The following SOX6 variants were observed in gnomAD, a reference collection of about 807,000 sequenced individuals.
The protein encoded by SOX6 is transcription factor SOX-6.
SOX6 carries 11 observed loss-of-function variants against 97.8 expected under a neutral mutation model. The observed-to-expected ratio is 0.11, with a 90% CI of 0.07 to 0.19. SOX6 has a LOEUF of 0.19. Ranked by LOEUF, SOX6 falls within the 10% of genes least tolerant of loss-of-function variation. SOX6 has a pLI of 1.00. For synonymous variants in SOX6, 360 were observed against 371.4 expected (o/e 0.97, Z 0.35); for missense variants, 810 against 1,039.5 (o/e 0.78, Z 3.04).
chr11:16,040,513 T>C, intron 12 of SOX6, among the ~76,000 whole-genome samples: 1 of 152,090 alleles, frequency 6.6e-6, no homozygotes, highest in African/African-American at 2.4e-5. Flanking sequence ...TTTATAGCAC[T>C]TTTGATCTGT....
chr11:16,061,898 T>C (rs1847966679), intron 9 of SOX6, among the ~76,000 whole-genome samples: 1 of 151,784 alleles, frequency 6.6e-6, no homozygotes, highest in Non-Finnish European at 1.5e-5. Context: ...CAACTCAAGA[T>C]GGATTAAAGA....
intron 3 of SOX6, among the ~76,000 whole-genome samples, chr11:16,688,349 A>G (rs1161884362): frequency 1.3e-5 from 2 of 151,824 alleles, no homozygotes; most frequent in African/African-American, 4.8e-5. Flanking sequence ...ATTGGCCATT[A>G]TTTTACTTAA....
chr11:16,454,355 C>G (rs562898320), intron 1 of SOX6, among the ~76,000 whole-genome samples: 2 of 152,000 alleles, frequency 1.3e-5, no homozygotes, highest in African/African-American at 2.4e-5. Flanking sequence ...ACTCCTTCTT[C>G]CAAAATAAAG....
At chr11:16,545,225 T>C (rs1847603804) in intron 4 of SOX6, among the ~76,000 whole-genome samples, 2 of 151,368 alleles carry the variant, frequency 1.3e-5, no homozygotes. Context: ...TAGTCTAACA[T>C]ACATATGAGC....
chr11:16,472,841 AAAAT>A (rs1283062381), intron 1 of SOX6, among the ~76,000 whole-genome samples: 2 of 152,216 alleles, frequency 1.3e-5, no homozygotes, highest in East Asian at 3.9e-4. Flanking sequence ...TATATTCTTT[AAAAT>A]TCCTTTATAG....
intron 13 of SOX6, among the ~76,000 whole-genome samples, chr11:16,011,436 G>A (rs765253785): frequency 1.3e-5 from 2 of 152,056 alleles, no homozygotes; most frequent in Non-Finnish European, 2.9e-5. Context: ...CCAAATAACA[G>A]CTGGACTTTA....
At chr11:16,492,750 C>T (rs1182787861) in intron 4 of SOX6, among the ~76,000 whole-genome samples, 1 of 152,078 alleles carries the variant, frequency 6.6e-6, no homozygotes, top group African/African-American at 2.4e-5. Context: ...GGTCTGTACC[C>T]AGAATGTATT....
rs766111271 is a variant in SOX6, at chr11:16,209,592, C to A, written c.536-22637G>T. ...ATAACATGGCAAAACCCCGTCTCTA[C>A]TAAAATACACAAATTAGCTGGGCGT... On this transcript the variant is annotated intron_variant, in intron 4 of 15. Transcript: ENST00000683767. 5.9e-5 allele frequency among the ~76,000 whole-genome samples: 9 copies of A among 151,994 alleles called. 1 individual carries two copies. The highest frequency in any genetic ancestry group is 3.9e-4 in the Admixed American group (6 of 15,254).
chr11:16,086,328 T>C (rs947907265), intron 9 of SOX6, among the ~76,000 whole-genome samples: 1 of 152,156 alleles, frequency 6.6e-6, no homozygotes, highest in Non-Finnish European at 1.5e-5. Context: ...GTCCCAAGAT[T>C]CCTGAGAAGA....
chr11:16,185,222 C>A (rs1235500064), intron 5 of SOX6, among the ~76,000 whole-genome samples: 1 of 152,152 alleles, frequency 6.6e-6, no homozygotes, highest in Non-Finnish European at 1.5e-5. Context: ...AGAAATGAGA[C>A]TCCTCCTTGT....
chr11:16,067,536 C>CTA (rs903711055), intron 9 of SOX6, among the ~76,000 whole-genome samples: 3 of 152,158 alleles, frequency 2.0e-5, no homozygotes, highest in Middle Eastern at 3.2e-3. Flanking sequence ...ATGTGGAACT[C>CTA]TGAGTCCATT....
intron 9 of SOX6, among the ~76,000 whole-genome samples, chr11:16,072,249 C>A (rs1474999763): frequency 6.6e-6 from 1 of 152,002 alleles, no homozygotes; most frequent in South Asian, 2.1e-4. Context: ...TTAAAAAGAA[C>A]CAAACTGAAC....
intron 4 of SOX6, among the ~76,000 whole-genome samples, chr11:16,598,137 A>C (rs1848232096): frequency 6.6e-6 from 1 of 152,018 alleles, no homozygotes; most frequent in Non-Finnish European, 1.5e-5. Flanking sequence ...CCCTCAGCTT[A>C]GTGCTTTACA....
intron 4 of SOX6, among the ~76,000 whole-genome samples, chr11:16,203,587 A>G (rs1297532617): frequency 6.6e-6 from 1 of 152,190 alleles, no homozygotes; most frequent in Non-Finnish European, 1.5e-5. Flanking sequence ...TGAGCTAAAT[A>G]TAAACATCTG....
rs1240963029 is a variant in SOX6, at chr11:15,970,718, T to C, written c.*2091A>G. ...ACAGAATAGCTTGTAATTTCTTGGC[T>C]AGACCTGTTTATTGCTATTAGGCCT... On this transcript the variant is annotated 3_prime_UTR_variant, in exon 16 of 16. Transcript: ENST00000683767. The C allele has an allele frequency of 1.3e-5, 2 of 152,478 alleles. No individual in the cohort carries two copies. Among genetic ancestry groups the C allele is most frequent in the East Asian group, 3.9e-4 (2 of 5,194 alleles). The allele number at this position is 152,478 out of a possible 1,614,324, so 9.4% of individuals were successfully genotyped here.
chr11:16,313,588 A>T (rs1241249262), intron 3 of SOX6: 1 of 152,144 alleles, frequency 6.6e-6, no homozygotes, highest in Non-Finnish European at 1.5e-5. Context: ...CCTTAGACCT[A>T]GAATATAATT....
rs568742739 is a variant in SOX6 at position 15,987,803 on chromosome 11, T to C, written c.1966+1194A>G. Among the ~76,000 whole-genome samples the C allele has an allele frequency of 3.3e-5, 5 of 151,848 alleles. No homozygotes were observed. In the East Asian group the frequency reaches 9.7e-4, roughly 29 times the overall value. On this transcript the variant is annotated intron_variant, in intron 14 of 15. Transcript: ENST00000683767. ...AAAATAACATCCCTATGCATAACTC[T>C]GAAGCTCTAAAAATAAAAACCACAC...
intron 4 of SOX6, among the ~76,000 whole-genome samples, chr11:16,553,637 T>C (rs1290747038): frequency 1.3e-5 from 2 of 151,612 alleles, no homozygotes; most frequent in Non-Finnish European, 2.9e-5. Context: ...TGGCTACAAA[T>C]CCAGCATCCA....
intron 6 of SOX6, among the ~76,000 whole-genome samples, chr11:16,145,901 A>C (rs1457137465): frequency 6.6e-6 from 1 of 152,230 alleles, no homozygotes; most frequent in African/African-American, 2.4e-5. Flanking sequence ...AGGAAGAATC[A>C]ATATCGTGAA....
Sources: gnomAD v4.1 joint callset for allele counts (sites outside exome capture counted in the v4.1 genomes callset) on GRCh38, gnomAD v4.1.1 for gene constraint, MANE v1.5 for transcripts, NCBI Gene and HGNC (gene_info 2026-07-23, HGNC 2026-07-21) for gene names.